DTL: variants seen among roughly 807,000 people sequenced by gnomAD.
DTL encodes denticleless E3 ubiquitin protein ligase adapter.
Under a neutral mutation model 87.0 loss-of-function variants are expected in DTL, and 46 were observed. That is an observed-to-expected ratio of 0.53 (90% CI 0.42 to 0.68). The LOEUF is 0.68. DTL is among the 30% of genes least tolerant of loss of function. The pLI is 0.00. For missense variants in DTL, 737 were observed against 869.4 expected (o/e 0.85, Z 1.91); for synonymous variants, 308 against 311.2 (o/e 0.99, Z 0.11).
chr1:212,066,850 C>A lies in DTL; in HGVS notation c.678C>A (p.Asp226Glu), dbSNP rs186204685. 1.1e-5 allele frequency: 17 copies of A among 1,613,910 alleles called. No homozygotes were observed. The highest frequency in any genetic ancestry group is 1.4e-5 in the Non-Finnish European group (16 of 1,179,850). The change falls in exon 8 of 15, where the codon GAC (aspartate) becomes GAA (glutamate). Residue 226 changes from aspartate to glutamate, a missense_variant. Coordinates refer to ENST00000366991, the MANE Select transcript of DTL (RefSeq NM_016448.4). The part of the protein sequence containing the change: ...QQSVTVVLFQ[D>E]ENTLVSAGAV... ...GTGTTACTGTGGTCCTCTTTCAAGA[C>A]GAGAATACCTTAGTCTCAGCAGGAG...
intron 13 of DTL, among the ~76,000 whole-genome samples, chr1:212,098,071 A>G (rs1046182777): frequency 6.6e-6 from 1 of 152,036 alleles, no homozygotes; most frequent in African/African-American, 2.4e-5. Flanking sequence ...CTGTGATGTG[A>G]TCTGTCTTCA....
intron 11 of DTL, among the ~76,000 whole-genome samples, chr1:212,076,136 C>T (rs2102562039): frequency 6.6e-6 from 1 of 152,218 alleles, no homozygotes; most frequent in East Asian, 1.9e-4. Context: ...GAGCTGTTTC[C>T]ATTTTTTGAC....
chr1:212,053,669 T>TCTGCCTCCCGGGCTCAA, intron 5 of DTL, among the ~76,000 whole-genome samples: 1 of 152,316 alleles, frequency 6.6e-6, no homozygotes, highest in African/African-American at 2.4e-5. Flanking sequence ...CACTGCAACC[T>TCTGCCTCCCGGGCTCAA]CTGCCTCCCG....
Position 212,102,995 on chromosome 1 carries a change from G to T in DTL, c.*55G>T, listed in dbSNP as rs1039123364. 4.2e-5 allele frequency: 44 copies of T among 1,053,056 alleles called. No homozygotes were observed. In the Admixed American group the frequency reaches 9.6e-4, roughly 23 times the overall value. The allele number at this position is 1,053,056 out of a possible 1,614,324, so 65.2% of individuals were successfully genotyped here. ...GGTCCACTAAAACAAGCTGAGCTTT[G>T]GTCCACTAAAACAAGATGAAAAATA... On this transcript the variant is annotated 3_prime_UTR_variant, in exon 15 of 15. Coordinates refer to ENST00000366991, the MANE Select transcript of DTL (RefSeq NM_016448.4).
chr1:212,062,442 G>A lies in DTL; in HGVS notation c.461-442G>A, dbSNP rs1052035388. 2.0e-5 allele frequency among the ~76,000 whole-genome samples: 3 copies of A among 152,142 alleles called. No individual in the cohort carries two copies. The East Asian group carries it at 5.8e-4, about 29-fold the overall frequency. ...TTTAGAGGTTTGGAGTGTAAGCTCTGGATTCATACTGCCAGGAATACCTTT... is the reference window on the plus strand; with the variant it reads ...TTTAGAGGTTTGGAGTGTAAGCTCTAGATTCATACTGCCAGGAATACCTTT... On this transcript the variant is annotated intron_variant, in intron 5 of 14. Transcript: ENST00000366991.
chr1:212,065,968 C>T (rs1003893571), intron 7 of DTL, among the ~76,000 whole-genome samples: 1 of 151,916 alleles, frequency 6.6e-6, no homozygotes, highest in African/African-American at 2.4e-5. Flanking sequence ...CTGGGATTAC[C>T]GATGTGAGCC....
intron 13 of DTL, among the ~76,000 whole-genome samples, chr1:212,096,076 T>C (rs961039177): frequency 1.8e-5 from 2 of 108,834 alleles, no homozygotes; most frequent in Non-Finnish European, 3.7e-5. Flanking sequence ...AGAGTTCTTA[T>C]TTCTTCCTGG....
chr1:212,085,699 C>CA (rs1203166643), intron 13 of DTL, among the ~76,000 whole-genome samples: 2 of 152,176 alleles, frequency 1.3e-5, no homozygotes, highest in Non-Finnish European at 2.9e-5. Flanking sequence ...GATGTTAAAT[C>CA]AAAGAAACTA....
At chr1:212,063,334 G>C (rs937440312) in intron 6 of DTL, among the ~76,000 whole-genome samples, 4 of 150,188 alleles carry the variant, frequency 2.7e-5, no homozygotes, top group African/African-American at 9.8e-5. Flanking sequence ...TGTCACCCAG[G>C]CTGGAGTGCA....
intron 14 of DTL, 84 bp downstream of exon 14, chr1:212,101,168 T>TA: frequency 9.4e-7 from 1 of 1,068,994 alleles, no homozygotes; most frequent in Non-Finnish European, 1.3e-6. Flanking sequence ...ATGCTTTTTT[T>TA]TTTTTTTAAA....
intron 5 of DTL, among the ~76,000 whole-genome samples, chr1:212,062,412 T>C (rs1654355529): frequency 8.4e-6 from 1 of 119,114 alleles, no homozygotes; most frequent in Non-Finnish European, 1.8e-5. Context: ...ACTGAGCCAA[T>C]ACAGTTTAGA....
chr1:212,088,128 A>G (rs1481906987), intron 13 of DTL, among the ~76,000 whole-genome samples: 1 of 152,198 alleles, frequency 6.6e-6, no homozygotes, highest in Non-Finnish European at 1.5e-5. Context: ...GTATTTTTAC[A>G]AAGCTCCAAG....
At chr1:212,053,039 T>C (rs925875198) in intron 5 of DTL, among the ~76,000 whole-genome samples, 4 of 152,220 alleles carry the variant, frequency 2.6e-5, no homozygotes, top group Non-Finnish European at 4.4e-5. Flanking sequence ...TCTATAGATT[T>C]GCCCATTATA....
At chr1:212,039,465 T>G (rs1449288213) in intron 1 of DTL, among the ~76,000 whole-genome samples, 2 of 152,086 alleles carry the variant, frequency 1.3e-5, no homozygotes, top group Non-Finnish European at 2.9e-5. Context: ...TTTTATAAAG[T>G]GGAAGAAAGG....
chr1:212,047,687 C>A (rs896152143), intron 5 of DTL, among the ~76,000 whole-genome samples: 1 of 152,184 alleles, frequency 6.6e-6, no homozygotes, highest in African/African-American at 2.4e-5. Flanking sequence ...AGGCGCACAT[C>A]ACCATGCCCA....
chr1:212,091,778 G>C (rs1274258498), intron 13 of DTL, among the ~76,000 whole-genome samples: 1 of 152,180 alleles, frequency 6.6e-6, no homozygotes, highest in Non-Finnish European at 1.5e-5. Flanking sequence ...CTATGTACTT[G>C]AAAATTGCTG....
intron 5 of DTL, among the ~76,000 whole-genome samples, chr1:212,054,393 T>C (rs1420408829): frequency 7.6e-6 from 1 of 131,410 alleles, no homozygotes; most frequent in African/African-American, 2.8e-5. Context: ...GTCCTCAAGG[T>C]AAAACCACAC....
At chr1:212,063,641 G>A (rs575286679) in intron 6 of DTL, among the ~76,000 whole-genome samples, 25 of 152,224 alleles carry the variant, frequency 1.6e-4, no homozygotes, top group Non-Finnish European at 3.1e-4. Context: ...GTTGTCTCAT[G>A]ATGCTATTAA....
At position 212,035,825 on chromosome 1, in the gene DTL, A is replaced by G; in HGVS notation, c.-66A>G. 2 of 1,521,818 alleles carry G rather than the reference A, an allele frequency of 1.3e-6. No homozygotes were observed. The highest frequency in any genetic ancestry group is 1.7e-4 in the Middle Eastern group (1 of 5,906). 94.3% of individuals were successfully genotyped at this position (1,521,818 alleles called of 1,614,324 possible). ...TGTGTTGTGAGAGGCGCAAGCTGCG[A>G]TTTCTGCTGAACTTGGAGGCATTTC... On this transcript the variant is annotated 5_prime_UTR_variant, in exon 1 of 15. Coordinates refer to ENST00000366991, the MANE Select transcript of DTL (RefSeq NM_016448.4).
Sources: gnomAD v4.1 joint callset for allele counts (sites outside exome capture counted in the v4.1 genomes callset) on GRCh38, gnomAD v4.1.1 for gene constraint, MANE v1.5 for transcripts, NCBI Gene and HGNC (gene_info 2026-07-23, HGNC 2026-07-21) for gene names.